The following DKK3 variants were observed in gnomAD, a reference collection of about 807,000 sequenced individuals.
DKK3 encodes dickkopf-related protein 3.
A neutral mutation model predicts 33.2 loss-of-function variants in DKK3; 22 were observed. That is an observed-to-expected ratio of 0.66 (90% confidence interval 0.47 to 0.95). DKK3 has a LOEUF of 0.95. Ranked by LOEUF, DKK3 falls within the 40% of genes least tolerant of loss-of-function variation. The pLI, the probability that DKK3 is intolerant of heterozygous loss-of-function variation, is 0.00. For synonymous variants in DKK3, 194 were observed against 188.8 expected, an observed-to-expected ratio of 1.03 and a Z score of -0.23; for missense variants, 398 against 458.4, an observed-to-expected ratio of 0.87 and a Z score of 1.20.
At chr11:11,990,876 C>T (rs1848172909) in intron 3 of DKK3, among the ~76,000 whole-genome samples, 1 of 152,222 alleles carries the variant, frequency 6.6e-6, no homozygotes, top group African/African-American at 2.4e-5. Flanking sequence ...TTCCAGGGAG[C>T]CTGTCAAGAA....
chr11:11,978,429 T>TTCTTCCTCTTCC (rs1564911982), intron 3 of DKK3, among the ~76,000 whole-genome samples: 1 of 140,540 alleles, frequency 7.1e-6, no homozygotes, highest in Non-Finnish European at 1.5e-5. Flanking sequence ...CCTCTTCCTC[T>TTCTTCCTCTTCC]TCTTCTTCCT....
intron 3 of DKK3, among the ~76,000 whole-genome samples, chr11:11,982,966 A>C (rs917242062): frequency 3.9e-5 from 6 of 152,218 alleles, no homozygotes; most frequent in African/African-American, 1.4e-4. Context: ...GGAATGATGC[A>C]GGGGATGAGG....
At chr11:11,990,023 A>G (rs953033134) in intron 3 of DKK3, among the ~76,000 whole-genome samples, 2 of 152,226 alleles carry the variant, frequency 1.3e-5, no homozygotes, top group African/African-American at 4.8e-5. Context: ...CCTTGATGTT[A>G]TTTTAAAAAC....
chr11:11,984,742 GT>G (rs575417569), intron 3 of DKK3, among the ~76,000 whole-genome samples: 40 of 151,808 alleles, frequency 2.6e-4, no homozygotes, highest in Non-Finnish European at 5.0e-4. Flanking sequence ...CAGAAAAAAA[GT>G]CACTTCCCCA....
chr11:12,003,224 G>A (rs536181594), intron 1 of DKK3, among the ~76,000 whole-genome samples: 1 of 152,274 alleles, frequency 6.6e-6, no homozygotes, highest in Admixed American at 6.5e-5. Context: ...GTTGGTGGTG[G>A]TAGGGGCAGG....
chr11:11,998,890 G>C (rs778067477), intron 2 of DKK3, 111 bp from the exon 3 acceptor site: 15 of 988,262 alleles, frequency 1.5e-5, no homozygotes, highest in Non-Finnish European at 2.2e-5. Flanking sequence ...ATCCAGTATA[G>C]GAGTCGAAAT....
At chr11:11,968,278 C>T in intron 4 of DKK3, 117 bp downstream of exon 4, 1 of 917,174 alleles carries the variant, frequency 1.1e-6, no homozygotes, top group South Asian at 1.7e-5. Flanking sequence ...CTTGGGTCCT[C>T]CCCATCATGG....
intron 2 of DKK3, 87 bp from the exon 3 acceptor site, chr11:11,998,866 T>G (rs894357448): frequency 2.3e-6 from 3 of 1,307,496 alleles, no homozygotes; most frequent in Middle Eastern, 1.9e-4. Flanking sequence ...TTTTCCATTT[T>G]CTGAAGCAGG....
upstream of DKK3, chr11:12,009,286 G>C (rs1848609900): frequency 4.1e-6 from 4 of 983,752 alleles, 1 homozygote; most frequent in South Asian, 1.9e-4. Flanking sequence ...CCGCGGGTGC[G>C]GGAGCGCGGC....
chr11:11,977,656 G>T (rs1847862756), intron 3 of DKK3, among the ~76,000 whole-genome samples: 1 of 152,150 alleles, frequency 6.6e-6, no homozygotes, highest in Non-Finnish European at 1.5e-5. Flanking sequence ...ACGCTGTGTG[G>T]GTGGAGCCAC....
At chr11:12,003,747 T>TA (rs67334199) in intron 1 of DKK3, among the ~76,000 whole-genome samples, 5,284 of 150,432 alleles carry the variant, frequency 0.035, 138 homozygotes, top group Non-Finnish European at 0.054. Context: ...TTTTTTTTTT[T>TA]AAAAAAAGAA....
Position 11,968,379 on chromosome 11 carries a change from G to T in DKK3, c.528+16C>A. 6.2e-7 allele frequency: 1 copy of T among 1,607,802 alleles called. No individual in the cohort carries two copies. Among genetic ancestry groups the T allele is most frequent in the Non-Finnish European group, 8.5e-7 (1 of 1,176,362 alleles). ...AGACCCTGGTGCCACAGCCCCAGAG[G>T]CCCTGGCATACTCACCATCCTCTGG... On this transcript the variant is annotated intron_variant, in intron 4 of 6. Transcript: ENST00000683431.
At chr11:11,973,875 A>G (rs905742113) in intron 3 of DKK3, among the ~76,000 whole-genome samples, 5 of 152,206 alleles carry the variant, frequency 3.3e-5, no homozygotes, top group African/African-American at 9.7e-5. Flanking sequence ...AGAGGACAAC[A>G]ATGAGTCCCT....
chr11:11,967,417 G>A (rs564191509), intron 4 of DKK3, among the ~76,000 whole-genome samples: 2 of 152,274 alleles, frequency 1.3e-5, no homozygotes, highest in South Asian at 4.1e-4. Context: ...TTTTCCTTAG[G>A]TCCCTAGGTC....
intron 3 of DKK3, among the ~76,000 whole-genome samples, chr11:11,973,188 T>C (rs1847761081): frequency 6.6e-6 from 1 of 152,202 alleles, no homozygotes; most frequent in Non-Finnish European, 1.5e-5. Flanking sequence ...CTCTCTAGTC[T>C]CCTTGACATA....
Position 11,964,862 on chromosome 11 carries a change from G to A in DKK3, c.831-176C>T, listed in dbSNP as rs925078172. 1.2e-5 allele frequency: 17 copies of A among 1,362,662 alleles called. No individual in the cohort carries two copies. The African/African-American group carries it at 1.6e-4, about 13-fold the overall frequency. 84.4% of individuals were successfully genotyped at this position (1,362,662 alleles called of 1,614,324 possible). The stretch of plus-strand genomic sequence containing the variant: ...CATCTATCTTAAAATGATGGCTGAG[G>A]GAGGCTCACTTTGGGAGAATGTGCT... On this transcript the variant is annotated intron_variant, in intron 6 of 6. Transcript: ENST00000683431.
At chr11:11,977,012 C>T (rs928640059) in intron 3 of DKK3, among the ~76,000 whole-genome samples, 4 of 152,142 alleles carry the variant, frequency 2.6e-5, no homozygotes, top group African/African-American at 9.7e-5. Flanking sequence ...AGAGACTGCC[C>T]TGTGGAAAAA....
At position 11,965,872 on chromosome 11, in the gene DKK3, A is replaced by G; in HGVS notation, c.767T>C (p.Leu256Pro). ...TCGGTCCAAGGCTCCATCAGGCTCTAGCTCCCAGGTGATGAGGTCCAGAAG... is the reference window on the plus strand; with the variant it reads ...TCGGTCCAAGGCTCCATCAGGCTCTGGCTCCCAGGTGATGAGGTCCAGAAG... ...SRLLDLITWE[L>P]EPDGALDRCP... is the part of the protein sequence containing the mutation. The change falls in exon 6 of 7, where the codon CTA (leucine) becomes CCA (proline). Residue 256 changes from leucine to proline, a missense_variant. Physicochemically the swap from Leu to Pro is moderately conservative, Grantham distance 98. Coordinates refer to ENST00000683431, the MANE Select transcript of DKK3 (RefSeq NM_001018057.2). 6.2e-7 allele frequency: 1 copy of G among 1,614,142 alleles called. No homozygotes were observed. Among genetic ancestry groups the G allele is most frequent in the Non-Finnish European group, 8.5e-7 (1 of 1,180,036 alleles).
intron 6 of DKK3, 37 bp from the exon 7 acceptor site, chr11:11,964,723 G>T: frequency 6.3e-7 from 1 of 1,593,786 alleles, no homozygotes; most frequent in East Asian, 2.3e-5. Context: ...CTCTAAACGT[G>T]GGAGCCTGCC....
Sources: gnomAD v4.1 joint callset for allele counts (sites outside exome capture counted in the v4.1 genomes callset) on GRCh38, gnomAD v4.1.1 for gene constraint, MANE v1.5 for transcripts, NCBI Gene and HGNC (gene_info 2026-07-23, HGNC 2026-07-21) for gene names.